Variants in LDLRAD3 observed in about 807,000 individuals in gnomAD.
LDLRAD3 encodes the protein low density lipoprotein receptor class A domain containing 3.
Under a neutral mutation model 29.4 loss-of-function variants are expected in LDLRAD3, and 20 were observed. That is an observed-to-expected ratio of 0.68 (90% CI 0.48 to 0.99). LDLRAD3 has a LOEUF of 0.99. Among genes scored for constraint, LDLRAD3 ranks in the 50% least tolerant of loss-of-function variants. LDLRAD3 has a pLI of 0.00. For synonymous variants in LDLRAD3, 157 were observed against 192.7 expected (o/e 0.81, Z 1.53); for missense variants, 420 against 454.3 (o/e 0.92, Z 0.69).
chr11:36,149,770 A>G (rs1255346071), intron 4 of LDLRAD3, among the ~76,000 whole-genome samples: 3 of 152,176 alleles, frequency 2.0e-5, no homozygotes, highest in Admixed American at 6.5e-5. Flanking sequence ...CAGAGCTTCC[A>G]GAAGTGCTGG....
At chr11:36,218,381 G>C (rs1184692168) in intron 4 of LDLRAD3, among the ~76,000 whole-genome samples, 2 of 152,148 alleles carry the variant, frequency 1.3e-5, no homozygotes, top group Non-Finnish European at 2.9e-5. Flanking sequence ...AGCCACTGAG[G>C]TTCCTTGATC....
At chr11:36,191,576 C>CTCTCTCTCTCTCTA (rs377747518) in intron 4 of LDLRAD3, among the ~76,000 whole-genome samples, 43 of 53,402 alleles carry the variant, frequency 8.1e-4, no homozygotes, top group Admixed American at 2.7e-3. Context: ...CTCTCTCTCT[C>CTCTCTCTCTCTCTA]TATATATATA....
intron 5 of LDLRAD3, among the ~76,000 whole-genome samples, chr11:36,228,141 G>A (rs912782486): frequency 1.3e-5 from 2 of 152,304 alleles, no homozygotes; most frequent in African/African-American, 2.4e-5. Flanking sequence ...AAGCTCTGCC[G>A]TGTATGGCAT....
intron 4 of LDLRAD3, among the ~76,000 whole-genome samples, chr11:36,131,725 T>G (rs1437651863): frequency 2.6e-5 from 4 of 152,244 alleles, no homozygotes; most frequent in Non-Finnish European, 5.9e-5. Flanking sequence ...CCTGGGTGTA[T>G]TTTGTCCAAG....
At chr11:36,191,881 A>G (rs760117169) in intron 4 of LDLRAD3, among the ~76,000 whole-genome samples, 1 of 152,032 alleles carries the variant, frequency 6.6e-6, no homozygotes, top group Non-Finnish European at 1.5e-5. Flanking sequence ...ATTACTGTCT[A>G]ACTAAGGGGC....
rs1393172544 is a variant in LDLRAD3 at position 36,231,692 on chromosome 11, T to A, written c.*2295T>A. 6.6e-6 allele frequency: 1 copy of A among 152,176 alleles called. No homozygotes were observed. Among genetic ancestry groups the A allele is most frequent in the African/African-American group, 2.4e-5 (1 of 41,438 alleles). 9.4% of individuals were successfully genotyped at this position (152,176 alleles called of 1,614,324 possible). A position where few individuals can be genotyped will look rare whatever the true frequency, so the allele number is the denominator to read the frequency against. On this transcript the variant is annotated 3_prime_UTR_variant, in exon 6 of 6. Coordinates refer to ENST00000315571, the MANE Select transcript of LDLRAD3 (RefSeq NM_174902.4). ...ATTTTTATTATAGATTTGATTTTTT[T>A]AATGAATGTTTTTAAAAATATATAA...
intron 4 of LDLRAD3, among the ~76,000 whole-genome samples, chr11:36,206,493 G>C (rs1453181447): frequency 6.6e-6 from 1 of 152,178 alleles, no homozygotes; most frequent in African/African-American, 2.4e-5. Context: ...GTGGGAGGCA[G>C]AGGCAGAGCG....
At chr11:36,151,744 A>G (rs1233448943) in intron 4 of LDLRAD3, among the ~76,000 whole-genome samples, 4 of 152,192 alleles carry the variant, frequency 2.6e-5, no homozygotes, top group African/African-American at 9.7e-5. Context: ...TGTAGTAGAG[A>G]CCCTGGCGCT....
At chr11:36,035,471 C>T (rs941869288) in intron 1 of LDLRAD3, among the ~76,000 whole-genome samples, 4 of 152,166 alleles carry the variant, frequency 2.6e-5, no homozygotes, top group African/African-American at 9.7e-5. Flanking sequence ...GCTTGGTTCT[C>T]AGCTTCCAGT....
At chr11:35,967,853 T>TG (rs1851361659) in intron 1 of LDLRAD3, 2 of 414,238 alleles carry the variant, frequency 4.8e-6, no homozygotes, top group South Asian at 3.7e-5. Context: ...AATGATCATA[T>TG]GGTTATCTTC....
chr11:35,967,474 G>A (rs1851356431), intron 1 of LDLRAD3: 3 of 355,698 alleles, frequency 8.4e-6, no homozygotes, highest in South Asian at 6.8e-5. Flanking sequence ...CTTTGGGAAG[G>A]TACTAATAAT....
At chr11:36,025,785 T>C (rs1425682999) in intron 1 of LDLRAD3, among the ~76,000 whole-genome samples, 1 of 147,660 alleles carries the variant, frequency 6.8e-6, no homozygotes, top group Non-Finnish European at 1.5e-5. Flanking sequence ...TTTTTTTTTT[T>C]TTTTTTTTTT....
At chr11:36,129,455 C>T (rs1339791657) in intron 4 of LDLRAD3, among the ~76,000 whole-genome samples, 2 of 152,140 alleles carry the variant, frequency 1.3e-5, no homozygotes, top group Non-Finnish European at 2.9e-5. Flanking sequence ...GAACGAGGAA[C>T]TAGGAATGGT....
intron 1 of LDLRAD3, among the ~76,000 whole-genome samples, chr11:36,009,102 T>C (rs1189526636): frequency 6.6e-6 from 1 of 152,188 alleles, no homozygotes; most frequent in African/African-American, 2.4e-5. Context: ...ACCTTCACTT[T>C]TATCCTGGTT....
At chr11:36,007,078 A>G (rs914199762) in intron 1 of LDLRAD3, among the ~76,000 whole-genome samples, 1 of 152,216 alleles carries the variant, frequency 6.6e-6, no homozygotes, top group Non-Finnish European at 1.5e-5. Flanking sequence ...TTCTGATTCC[A>G]AGAGCTTTGG....
chr11:36,132,648 C>A (rs978823028), intron 4 of LDLRAD3, among the ~76,000 whole-genome samples: 1 of 152,154 alleles, frequency 6.6e-6, no homozygotes, highest in Admixed American at 6.5e-5. Context: ...ATTTTTAATT[C>A]GGGTTTCAGG....
intron 4 of LDLRAD3, among the ~76,000 whole-genome samples, chr11:36,157,766 T>G (rs1854375982): frequency 6.6e-6 from 1 of 152,186 alleles, no homozygotes; most frequent in Non-Finnish European, 1.5e-5. Flanking sequence ...CCATTTCAGT[T>G]GTTGCTGAGA....
intron 4 of LDLRAD3, among the ~76,000 whole-genome samples, chr11:36,222,156 A>G (rs1371606330): frequency 6.6e-6 from 1 of 152,094 alleles, no homozygotes; most frequent in Non-Finnish European, 1.5e-5. Context: ...TGCAGCCTCA[A>G]ACTCCTGGGT....
At chr11:36,089,557 A>G (rs2133264856) in intron 3 of LDLRAD3, among the ~76,000 whole-genome samples, 1 of 152,132 alleles carries the variant, frequency 6.6e-6, no homozygotes, top group Admixed American at 6.5e-5. Context: ...ACTCCCAAGT[A>G]GCTGGGATTA....
Sources: gnomAD v4.1 joint callset for allele counts (sites outside exome capture counted in the v4.1 genomes callset) on GRCh38, gnomAD v4.1.1 for gene constraint, MANE v1.5 for transcripts, NCBI Gene and HGNC (gene_info 2026-07-23, HGNC 2026-07-21) for gene names.